The following EPHA5 variants were observed in gnomAD, a reference collection of about 807,000 sequenced individuals.
The protein encoded by EPHA5 is EPH receptor A5.
Under a neutral mutation model 105.0 loss-of-function variants are expected in EPHA5, and 60 were observed. That is an observed-to-expected ratio of 0.57 (90% CI 0.46 to 0.71). EPHA5 has a LOEUF of 0.71. Ranked by LOEUF, EPHA5 falls within the 30% of genes least tolerant of loss-of-function variation. The pLI is 0.00. For synonymous variants in EPHA5, 513 were observed against 449.1 expected (o/e 1.14, Z -1.80); for missense variants, 1,218 against 1,274.7 (o/e 0.96, Z 0.68).
chr4:65,580,976 A>G (rs1170288746), intron 3 of EPHA5, among the ~76,000 whole-genome samples: 1 of 151,850 alleles, frequency 6.6e-6, no homozygotes, highest in Non-Finnish European at 1.5e-5. Context: ...TTTTCTTTCC[A>G]GTTTAAAAAT....
At chr4:65,606,611 T>C (rs563252222) in intron 2 of EPHA5, among the ~76,000 whole-genome samples, 1 of 152,194 alleles carries the variant, frequency 6.6e-6, no homozygotes, top group Non-Finnish European at 1.5e-5. Flanking sequence ...CCTATTAACC[T>C]GTTGAATGAT....
intron 14 of EPHA5, among the ~76,000 whole-genome samples, chr4:65,344,201 G>A (rs1722001793): frequency 6.6e-6 from 1 of 152,106 alleles, no homozygotes; most frequent in South Asian, 2.1e-4. Context: ...CATGTTGCAG[G>A]CTGAGATGTA....
At chr4:65,638,616 G>C (rs1000599221) in intron 2 of EPHA5, among the ~76,000 whole-genome samples, 1 of 152,160 alleles carries the variant, frequency 6.6e-6, no homozygotes, top group African/African-American at 2.4e-5. Context: ...GCACATGCCT[G>C]TAATCCCAGC....
chr4:65,429,637 T>C (rs901856979), intron 5 of EPHA5, among the ~76,000 whole-genome samples: 5 of 152,062 alleles, frequency 3.3e-5, no homozygotes, highest in Admixed American at 6.6e-5. Context: ...TAGTCTTATA[T>C]AGCCAAATGA....
chr4:65,575,391 A>G (rs1313053839), intron 3 of EPHA5, among the ~76,000 whole-genome samples: 2 of 152,168 alleles, frequency 1.3e-5, no homozygotes, highest in Admixed American at 1.3e-4. Context: ...TCTACCTACT[A>G]CTTTCGTAAC....
chr4:65,604,635 G>T (rs1010585904), intron 2 of EPHA5, among the ~76,000 whole-genome samples: 1 of 151,778 alleles, frequency 6.6e-6, no homozygotes, highest in Non-Finnish European at 1.5e-5. Flanking sequence ...TTTTAGGCTG[G>T]CTCTCTGAAA....
chr4:65,600,307 C>T (rs771160510), intron 3 of EPHA5, among the ~76,000 whole-genome samples: 16 of 151,900 alleles, frequency 1.1e-4, no homozygotes, highest in Non-Finnish European at 2.1e-4. Context: ...ATTTTATAAA[C>T]GTAATTTTGA....
chr4:65,439,986 A>T (rs984211719), intron 5 of EPHA5, among the ~76,000 whole-genome samples: 4 of 152,094 alleles, frequency 2.6e-5, no homozygotes, highest in Non-Finnish European at 4.4e-5. Context: ...AGTTTGCACT[A>T]AATGCTTATA....
rs187201078 is a variant in EPHA5, at chr4:65,518,887, C to T, written c.911-23344G>A. On this transcript the variant is annotated intron_variant, in intron 3 of 16. Transcript: ENST00000613740. The stretch of plus-strand genomic sequence containing the variant: ...TCACAGCAGAATTCTACCAGAGGTA[C>T]GAGGAGGAGCTGGTATCATTCCTTC... 2.4e-3 allele frequency among the ~76,000 whole-genome samples: 358 copies of T among 152,152 alleles called. 1 individual carries two copies. Among genetic ancestry groups the T allele is most frequent in the African/African-American group, 7.8e-3 (324 of 41,534 alleles).
intron 7 of EPHA5, among the ~76,000 whole-genome samples, chr4:65,410,433 C>T (rs931598279): frequency 6.6e-6 from 1 of 152,124 alleles, no homozygotes; most frequent in African/African-American, 2.4e-5. Context: ...TTCTTAAAGG[C>T]AGTGGGTGTG....
At chr4:65,578,824 C>G (rs981796842) in intron 3 of EPHA5, among the ~76,000 whole-genome samples, 1 of 151,942 alleles carries the variant, frequency 6.6e-6, no homozygotes, top group East Asian at 1.9e-4. Flanking sequence ...AAACTCAATG[C>G]TGACTATAAC....
chr4:65,518,836 C>G (rs568161064), intron 3 of EPHA5, among the ~76,000 whole-genome samples: 1 of 151,762 alleles, frequency 6.6e-6, no homozygotes, highest in Non-Finnish European at 1.5e-5. Flanking sequence ...GCCTACCAAC[C>G]AAAAAAAGTC....
At chr4:65,637,617 C>G (rs1747264615) in intron 2 of EPHA5, among the ~76,000 whole-genome samples, 1 of 113,354 alleles carries the variant, frequency 8.8e-6, no homozygotes, top group African/African-American at 3.1e-5. Flanking sequence ...CTAAAACAAA[C>G]AAAACCTTAT....
chr4:65,666,982 A>T (rs1439908730), intron 1 of EPHA5, among the ~76,000 whole-genome samples: 1 of 152,156 alleles, frequency 6.6e-6, no homozygotes, highest in Non-Finnish European at 1.5e-5. Context: ...TAATACGCAC[A>T]CACACACATA....
chr4:65,367,508 A>C (rs1718032573), intron 8 of EPHA5, 84 bp from the exon 9 acceptor site: 2 of 1,254,832 alleles, frequency 1.6e-6, no homozygotes, highest in Admixed American at 3.4e-5. Flanking sequence ...GCACAACTGA[A>C]ATTATTGCAA....
At chr4:65,664,931 T>C (rs532535572) in intron 1 of EPHA5, among the ~76,000 whole-genome samples, 23 of 152,068 alleles carry the variant, frequency 1.5e-4, no homozygotes, top group African/African-American at 5.3e-4. Context: ...TGAGCTATTT[T>C]AAGATTGCTT....
At chr4:65,621,280 G>T (rs1159292220) in intron 2 of EPHA5, among the ~76,000 whole-genome samples, 1 of 152,090 alleles carries the variant, frequency 6.6e-6, no homozygotes, top group Non-Finnish European at 1.5e-5. Context: ...ACCAGCTGGA[G>T]GATACCTAGA....
At chr4:65,574,871 A>G (rs1026685066) in intron 3 of EPHA5, among the ~76,000 whole-genome samples, 1 of 150,986 alleles carries the variant, frequency 6.6e-6, no homozygotes, top group African/African-American at 2.4e-5. Flanking sequence ...GCAACTTCAA[A>G]TGGGCTCTCT....
rs186522760 is a variant in EPHA5 at position 65,368,235 on chromosome 4, T to A, written c.1794-811A>T. ...AACCTCTCTGGTTCTCTCCTCTCAA[T>A]CCATCTATTTCTATCCGTTTAATTA... On this transcript the variant is annotated intron_variant, in intron 8 of 16. Coordinates refer to ENST00000613740, the MANE Select transcript of EPHA5 (RefSeq NM_001281766.3). 4.6e-5 allele frequency among the ~76,000 whole-genome samples: 7 copies of A among 152,218 alleles called. No individual in the cohort carries two copies. In the East Asian group the frequency reaches 1.4e-3, roughly 29 times the overall value.
Sources: allele counts gnomAD v4.1 joint callset (sites outside exome capture counted in the v4.1 genomes callset), GRCh38; gene constraint gnomAD v4.1.1; transcripts MANE v1.5; gene names NCBI Gene and HGNC (gene_info 2026-07-23, HGNC 2026-07-21).